ZMYM4: variants seen among roughly 807,000 people sequenced by gnomAD.
ZMYM4 encodes the protein zinc finger MYM-type protein 4.
In ZMYM4, 31 loss-of-function variants were observed where a neutral mutation model predicts 183.2. That is an observed-to-expected ratio of 0.17 (90% CI 0.13 to 0.23). The LOEUF (loss-of-function observed/expected upper bound fraction) is 0.23. Among genes scored for constraint, ZMYM4 ranks in the 10% least tolerant of loss-of-function variants. The pLI, the probability that ZMYM4 is intolerant of heterozygous loss-of-function variation, is 1.00. For missense variants in ZMYM4, 1,273 were observed against 1,840.3 expected, an observed-to-expected ratio of 0.69 and a Z score of 5.64; for synonymous variants, 592 against 631.2, an observed-to-expected ratio of 0.94 and a Z score of 0.93.
rs144762697 is a variant in ZMYM4 at position 35,278,714 on chromosome 1, C to T, written c.39+9629C>T. On this transcript the variant is annotated intron_variant, in intron 1 of 29. Coordinates refer to ENST00000314607, the MANE Select transcript of ZMYM4 (RefSeq NM_005095.3). The stretch of plus-strand genomic sequence containing the variant: ...GGGATTACAGGCATGAGCCACCATG[C>T]CCAGCTACAGCATGAACTCTTAAGT... Among the ~76,000 whole-genome samples the T allele has an allele frequency of 7.9e-5, 12 of 152,210 alleles. No homozygotes were observed. The East Asian group carries it at 2.3e-3, about 29-fold the overall frequency.
intron 5 of ZMYM4, among the ~76,000 whole-genome samples, chr1:35,363,161 A>AG (rs1335578677): frequency 2.6e-5 from 4 of 152,016 alleles, no homozygotes; most frequent in African/African-American, 9.7e-5. Flanking sequence ...ACAGAGTGAG[A>AG]CTTTTTTTTT....
intron 20 of ZMYM4, among the ~76,000 whole-genome samples, chr1:35,398,002 A>G (rs1387010093): frequency 6.6e-6 from 1 of 152,226 alleles, no homozygotes; most frequent in Non-Finnish European, 1.5e-5. Context: ...TGTGCTTGCC[A>G]TACTCTAGGC....
At chr1:35,356,366 C>T (rs1570426615) in intron 2 of ZMYM4, among the ~76,000 whole-genome samples, 1 of 152,240 alleles carries the variant, frequency 6.6e-6, no homozygotes, top group East Asian at 1.9e-4. Flanking sequence ...AATTACAGAG[C>T]ACATGCTATG....
intron 9 of ZMYM4, among the ~76,000 whole-genome samples, chr1:35,384,988 G>A (rs929162244): frequency 6.6e-6 from 1 of 151,656 alleles, no homozygotes. Context: ...GACTACAGGC[G>A]CCTGCCACTA....
At chr1:35,390,945 A>C (rs1644691149) in intron 15 of ZMYM4, among the ~76,000 whole-genome samples, 1 of 152,144 alleles carries the variant, frequency 6.6e-6, no homozygotes, top group African/African-American at 2.4e-5. Flanking sequence ...AGGTGGGAGG[A>C]CGGCTTGAGG....
intron 1 of ZMYM4, among the ~76,000 whole-genome samples, chr1:35,315,812 A>G (rs187556850): frequency 5.3e-5 from 8 of 152,204 alleles, no homozygotes; most frequent in Admixed American, 1.3e-4. Context: ...TGTAGTCCCA[A>G]CTACTCAGGA....
intron 5 of ZMYM4, among the ~76,000 whole-genome samples, chr1:35,368,735 A>G (rs1024297038): frequency 6.6e-6 from 1 of 152,180 alleles, no homozygotes; most frequent in East Asian, 1.9e-4. Flanking sequence ...GAATATTCAC[A>G]GAGATATTCA....
At chr1:35,361,578 TA>T in intron 4 of ZMYM4, 40 bp from the exon 5 acceptor site, 1 of 1,577,526 alleles carries the variant, frequency 6.3e-7, no homozygotes. Context: ...GGAATCATTT[TA>T]AAATCTGAAT....
intron 9 of ZMYM4, among the ~76,000 whole-genome samples, chr1:35,382,187 C>G (rs12073620): frequency 7.8e-6 from 1 of 128,092 alleles, no homozygotes; most frequent in South Asian, 2.3e-4. Flanking sequence ...CACATACACA[C>G]ACACACACAC....
rs867923449 is a variant in ZMYM4 at position 35,408,933 on chromosome 1, C to G, written c.3948+774C>G. On this transcript the variant is annotated intron_variant, in intron 26 of 29. Coordinates refer to ENST00000314607, the MANE Select transcript of ZMYM4 (RefSeq NM_005095.3). ...CCTCAAACCCAGTTAGTAGTCACTC[C>G]CCATTACTCCCTCCACCCATCCCTG... is the stretch of plus-strand genomic sequence containing the variant. Among the ~76,000 whole-genome samples, 8 of 152,144 alleles carry G rather than the reference C, an allele frequency of 5.3e-5. No homozygotes were observed. The South Asian group carries it at 1.7e-3, about 32-fold the overall frequency.
chr1:35,381,924 C>A lies in ZMYM4; in HGVS notation c.1569+166C>A, dbSNP rs1570484971. ...CTTTGGGAGGCTGAGGCGGGCAGATCACCTGAGGTTGGGAATTCGAGACCA... is the reference window on the plus strand; with the variant it reads ...CTTTGGGAGGCTGAGGCGGGCAGATAACCTGAGGTTGGGAATTCGAGACCA... On this transcript the variant is annotated intron_variant, in intron 9 of 29. Coordinates refer to ENST00000314607, the MANE Select transcript of ZMYM4 (RefSeq NM_005095.3). 6.6e-5 allele frequency among the ~76,000 whole-genome samples: 10 copies of A among 152,066 alleles called. 1 individual carries two copies. Among genetic ancestry groups the A allele is most frequent in the Admixed American group, 2.0e-4 (3 of 15,266 alleles).
chr1:35,370,688 C>G (rs1644185261), intron 7 of ZMYM4, 61 bp downstream of exon 7: 3 of 832,492 alleles, frequency 3.6e-6, no homozygotes. Context: ...ATACTTTGTT[C>G]TTAGGTCATG....
chr1:35,398,962 G>A lies in ZMYM4; in HGVS notation c.3352G>A (p.Ala1118Thr). The A allele has an allele frequency of 1.2e-6, 2 of 1,614,112 alleles. No homozygotes were observed. The highest frequency in any genetic ancestry group is 1.7e-6 in the Non-Finnish European group (2 of 1,180,000). ...ELNHYALKSN[A>T]VQEADSELKQ... The stretch of plus-strand genomic sequence containing the variant: ...GAATCACTATGCCTTAAAGTCAAAT[G>A]CTGTGCAAGAGGCTGATTCAGAATT... The change falls in exon 22 of 30, where the codon GCT (alanine) becomes ACT (threonine). Residue 1118 changes from alanine (A) to threonine (T), a missense_variant. This residue lies in a region of ZMYM4 where 290 missense variants were observed against 353.3 expected (regional missense o/e 0.82). Transcript: ENST00000314607.
intron 1 of ZMYM4, among the ~76,000 whole-genome samples, chr1:35,302,702 T>G (rs184013678): frequency 7.8e-4 from 118 of 152,024 alleles, no homozygotes; most frequent in Middle Eastern, 3.4e-3. Context: ...ACTATTTTTT[T>G]GTAGAGATGG....
At chr1:35,406,154 AC>A (rs1346151969) in intron 25 of ZMYM4, among the ~76,000 whole-genome samples, 1 of 151,990 alleles carries the variant, frequency 6.6e-6, no homozygotes, top group Non-Finnish European at 1.5e-5. Context: ...GATTGTATGC[AC>A]TCTTGGCTTC....
chr1:35,400,575 C>G (rs184074931), intron 23 of ZMYM4, among the ~76,000 whole-genome samples: 1 of 152,028 alleles, frequency 6.6e-6, no homozygotes, highest in African/African-American at 2.4e-5. Context: ...ACAGGGCTTT[C>G]CTATACAAAG....
Position 35,381,427 on chromosome 1 carries a change from T to A in ZMYM4, c.1350T>A (p.Asn450Lys). ...ISTKCSMCQK[N>K]AVIRHEVNYQ... ...CCAAATGCAGCATGTGTCAGAAGAA[T>A]GCTGTTGTAAGTTACCATTTTCCTT... The change falls in exon 8 of 30, where the codon AAT becomes AAA. Residue 450 changes from asparagine (N) to lysine (K), a missense_variant. Coordinates refer to ENST00000314607, the MANE Select transcript of ZMYM4 (RefSeq NM_005095.3). The A allele has an allele frequency of 1.2e-6, 2 of 1,607,596 alleles. No homozygotes were observed. Among genetic ancestry groups the A allele is most frequent in the East Asian group, 2.2e-5 (1 of 44,730 alleles).
At chr1:35,387,834 G>T (rs553756003) in intron 13 of ZMYM4, among the ~76,000 whole-genome samples, 1 of 152,286 alleles carries the variant, frequency 6.6e-6, no homozygotes, top group Admixed American at 6.5e-5. Flanking sequence ...AGAAGAAGAT[G>T]ATGTGAAAAA....
chr1:35,404,105 C>T (rs1213366871), intron 23 of ZMYM4, among the ~76,000 whole-genome samples: 3 of 152,182 alleles, frequency 2.0e-5, no homozygotes, highest in Non-Finnish European at 4.4e-5. Flanking sequence ...CACTCAGTCA[C>T]CCAGGCTGGA....
Sources: gnomAD v4.1 joint callset for allele counts (sites outside exome capture counted in the v4.1 genomes callset) on GRCh38, gnomAD v4.1.1 for gene constraint, gnomAD v4.1.1 regional missense constraint, MANE v1.5 for transcripts, NCBI Gene and HGNC (gene_info 2026-07-23, HGNC 2026-07-21) for gene names.